Variants in LRP1B observed in about 807,000 individuals in gnomAD.
LRP1B encodes low-density lipoprotein receptor-related protein 1B.
Under a neutral mutation model 556.6 loss-of-function variants are expected in LRP1B, and 217 were observed. That is an observed-to-expected ratio of 0.39 (90% CI 0.35 to 0.44). The LOEUF is 0.44. LRP1B is among the 20% of genes least tolerant of loss of function. LRP1B has a pLI of 1.00. For synonymous variants in LRP1B, 2,047 were observed against 1,865.8 expected (o/e 1.10, Z -2.50); for missense variants, 5,053 against 5,620.8 (o/e 0.90, Z 3.23).
chr2:140,921,961 C>T (rs1040754529), intron 21 of LRP1B, among the ~76,000 whole-genome samples: 1 of 151,842 alleles, frequency 6.6e-6, no homozygotes, highest in Non-Finnish European at 1.5e-5. Context: ...TTATAGGGAG[C>T]AAAAGAAATC....
chr2:141,988,358 G>A (rs1268725102), intron 1 of LRP1B, among the ~76,000 whole-genome samples: 1 of 151,764 alleles, frequency 6.6e-6, no homozygotes, highest in Non-Finnish European at 1.5e-5. Flanking sequence ...GATTCAAGCA[G>A]TAGTTGGCAA....
chr2:141,391,834 A>T (rs1297896347), intron 3 of LRP1B, among the ~76,000 whole-genome samples: 1 of 152,116 alleles, frequency 6.6e-6, no homozygotes, highest in Non-Finnish European at 1.5e-5. Context: ...AGAATAAAAA[A>T]CCTTTGTAAA....
chr2:141,206,857 G>A (rs772297039), intron 6 of LRP1B, among the ~76,000 whole-genome samples: 1 of 152,188 alleles, frequency 6.6e-6, no homozygotes, highest in African/African-American at 2.4e-5. Flanking sequence ...ATTGTTGGTA[G>A]TAAGACATTT....
intron 1 of LRP1B, among the ~76,000 whole-genome samples, chr2:142,071,783 C>A (rs547454241): frequency 1.3e-5 from 2 of 151,976 alleles, no homozygotes; most frequent in Non-Finnish European, 1.5e-5. Flanking sequence ...ACCACTTCCA[C>A]CAGGGCTATG....
At chr2:140,358,738 T>A (rs376590640) in intron 73 of LRP1B, 83 bp downstream of exon 73, 2 of 1,430,288 alleles carry the variant, frequency 1.4e-6, no homozygotes, top group East Asian at 4.8e-5. Context: ...ACATAAGAAA[T>A]GTATTTTTTA....
intron 2 of LRP1B, among the ~76,000 whole-genome samples, chr2:141,751,354 A>C (rs2105567834): frequency 6.6e-6 from 1 of 152,326 alleles, no homozygotes; most frequent in East Asian, 1.9e-4. Flanking sequence ...AAATTTAAAA[A>C]GAATGCTATG....
At chr2:141,510,865 C>T (rs566564135) in intron 2 of LRP1B, among the ~76,000 whole-genome samples, 2 of 134,464 alleles carry the variant, frequency 1.5e-5, no homozygotes, top group African/African-American at 5.7e-5. Flanking sequence ...TGCAACATAC[C>T]TTCCTTGTCT....
intron 43 of LRP1B, among the ~76,000 whole-genome samples, chr2:140,574,414 A>G (rs1558977253): frequency 6.6e-6 from 1 of 152,194 alleles, no homozygotes; most frequent in East Asian, 1.9e-4. Flanking sequence ...ACAATGTGCC[A>G]TAAATGGCAT....
At chr2:141,375,157 T>C (rs1689381838) in intron 3 of LRP1B, among the ~76,000 whole-genome samples, 1 of 152,180 alleles carries the variant, frequency 6.6e-6, no homozygotes, top group Non-Finnish European at 1.5e-5. Flanking sequence ...GTCAGTAGTG[T>C]CTGTGATTTT....
intron 2 of LRP1B, among the ~76,000 whole-genome samples, chr2:141,613,997 C>T (rs1197380565): frequency 7.6e-6 from 1 of 131,700 alleles, no homozygotes; most frequent in African/African-American, 2.8e-5. Flanking sequence ...TGATTAAAAC[C>T]AGGAGGCGGA....
chr2:141,887,681 T>C (rs1296810753), intron 1 of LRP1B, among the ~76,000 whole-genome samples: 2 of 152,222 alleles, frequency 1.3e-5, no homozygotes, highest in African/African-American at 2.4e-5. Flanking sequence ...GCACTTCCAA[T>C]AGGAATGTTA....
At chr2:141,378,414 C>A (rs1689516161) in intron 3 of LRP1B, among the ~76,000 whole-genome samples, 1 of 152,016 alleles carries the variant, frequency 6.6e-6, no homozygotes, top group Non-Finnish European at 1.5e-5. Flanking sequence ...AAAAGAAATT[C>A]TATAATTAAA....
intron 43 of LRP1B, among the ~76,000 whole-genome samples, chr2:140,588,728 G>A (rs1174660475): frequency 6.6e-6 from 1 of 152,056 alleles, no homozygotes; most frequent in African/African-American, 2.4e-5. Context: ...CACTTTGGGA[G>A]GCCAAGGCGG....
At chr2:141,922,417 G>A (rs1700213835) in intron 1 of LRP1B, among the ~76,000 whole-genome samples, 1 of 152,122 alleles carries the variant, frequency 6.6e-6, no homozygotes, top group Middle Eastern at 3.2e-3. Flanking sequence ...GTATGCTACT[G>A]TTTACAGTTC....
chr2:140,310,144 G>T (rs1227887072), intron 83 of LRP1B, among the ~76,000 whole-genome samples: 1 of 151,594 alleles, frequency 6.6e-6, no homozygotes, highest in Non-Finnish European at 1.5e-5. Context: ...CCAAACTCCT[G>T]CATATATGTA....
chr2:140,681,830 T>A (rs1307472828), intron 41 of LRP1B, among the ~76,000 whole-genome samples: 1 of 152,122 alleles, frequency 6.6e-6, no homozygotes, highest in Non-Finnish European at 1.5e-5. Flanking sequence ...ATAAATTATT[T>A]TTTCATGGAA....
At chr2:141,480,610 T>C (rs1451567085) in intron 2 of LRP1B, 77 bp from the exon 3 acceptor site, 13 of 1,414,944 alleles carry the variant, frequency 9.2e-6, no homozygotes, top group Non-Finnish European at 1.0e-5. Flanking sequence ...AAGAAATTAC[T>C]AGCATTGTTT....
At position 142,122,030 on chromosome 2, in the gene LRP1B, C is replaced by T. The variant is rs148698219; in HGVS notation, c.82+8618G>A. 7.6e-3 allele frequency among the ~76,000 whole-genome samples: 1,152 copies of T among 152,160 alleles called. 20 individuals are homozygous for T. Among genetic ancestry groups the T allele is most frequent in the African/African-American group, 0.026 (1,076 of 41,534 alleles). ...TATTTATGTAATGCAATACATGATA[C>T]GATGTGTTTTCACAGACATTACACT... On this transcript the variant is annotated intron_variant, in intron 1 of 90. Coordinates refer to ENST00000389484, the MANE Select transcript of LRP1B (RefSeq NM_018557.3).
chr2:140,947,654 G>T (rs1203312275), intron 20 of LRP1B, among the ~76,000 whole-genome samples: 1 of 152,140 alleles, frequency 6.6e-6, no homozygotes, highest in Non-Finnish European at 1.5e-5. Flanking sequence ...AAAGAATAAT[G>T]AATAGAAATA....
Sources: allele counts gnomAD v4.1 joint callset (sites outside exome capture counted in the v4.1 genomes callset), GRCh38; gene constraint gnomAD v4.1.1; transcripts MANE v1.5; gene names NCBI Gene and HGNC (gene_info 2026-07-23, HGNC 2026-07-21).